Variants in SLC6A15 observed in about 807,000 individuals in gnomAD.
SLC6A15 encodes the protein solute carrier family 6 member 15.
A neutral mutation model predicts 68.5 loss-of-function variants in SLC6A15; 33 were observed. That is an observed-to-expected ratio of 0.48 (90% CI 0.37 to 0.64). SLC6A15 has a LOEUF of 0.64. SLC6A15 is among the 30% of genes least tolerant of loss of function. The pLI is 0.00. For missense variants in SLC6A15, 747 were observed against 874.3 expected, an observed-to-expected ratio of 0.85 and a Z score of 1.84; for synonymous variants, 347 against 301.0, an observed-to-expected ratio of 1.15 and a Z score of -1.58.
intron 9 of SLC6A15, among the ~76,000 whole-genome samples, chr12:84,869,060 ACACATG>A (rs1007626348): frequency 5.3e-5 from 8 of 152,194 alleles, no homozygotes; most frequent in African/African-American, 1.4e-4. Context: ...ATACACGCAC[ACACATG>A]CACATGCACA....
chr12:84,908,821 T>C (rs1873302295), intron 1 of SLC6A15, among the ~76,000 whole-genome samples: 1 of 152,018 alleles, frequency 6.6e-6, no homozygotes, highest in Non-Finnish European at 1.5e-5. Flanking sequence ...TTTACACAAC[T>C]ATTACTATGT....
At chr12:84,885,872 T>C in intron 3 of SLC6A15, 39 bp downstream of exon 3, 1 of 1,548,898 alleles carries the variant, frequency 6.5e-7, no homozygotes, top group East Asian at 2.3e-5. Flanking sequence ...TTTGAAACCC[T>C]ATAAAGATTA....
chr12:84,865,268 TAAC>T (rs1401604840), intron 10 of SLC6A15, among the ~76,000 whole-genome samples: 1 of 152,186 alleles, frequency 6.6e-6, no homozygotes, highest in Non-Finnish European at 1.5e-5. Context: ...TCATGTTAGT[TAAC>T]AAGGAGTATT....
chr12:84,899,323 A>G, intron 1 of SLC6A15, among the ~76,000 whole-genome samples: 1 of 151,610 alleles, frequency 6.6e-6, no homozygotes, highest in East Asian at 1.9e-4. Context: ...CGTAGAAAGG[A>G]AAAAAAAATA....
intron 2 of SLC6A15, among the ~76,000 whole-genome samples, chr12:84,889,950 C>G (rs1413096213): frequency 6.6e-6 from 1 of 152,110 alleles, no homozygotes; most frequent in African/African-American, 2.4e-5. Context: ...GACTCTATTA[C>G]CTTTTTTTTC....
At chr12:84,888,280 A>G (rs1872216800) in intron 2 of SLC6A15, among the ~76,000 whole-genome samples, 2 of 149,286 alleles carry the variant, frequency 1.3e-5, no homozygotes. Context: ...AAAAAAAGCC[A>G]AAAACAAAAA....
intron 1 of SLC6A15, among the ~76,000 whole-genome samples, chr12:84,901,057 T>C (rs1430867711): frequency 2.0e-5 from 3 of 150,060 alleles, no homozygotes; most frequent in Non-Finnish European, 4.5e-5. Context: ...CGTATATATG[T>C]ATACGTATAT....
chr12:84,894,906 TAAC>T (rs1289085564), intron 1 of SLC6A15, among the ~76,000 whole-genome samples: 2 of 152,232 alleles, frequency 1.3e-5, no homozygotes, highest in Middle Eastern at 3.4e-3. Context: ...AGATATCGTA[TAAC>T]AACTCTAGCC....
At chr12:84,873,811 C>G (rs1420010874) in intron 6 of SLC6A15, among the ~76,000 whole-genome samples, 1 of 152,160 alleles carries the variant, frequency 6.6e-6, no homozygotes, top group Non-Finnish European at 1.5e-5. Context: ...ACTATTTGTA[C>G]TTTGCATATT....
chr12:84,880,738 C>G (rs1032395900), intron 5 of SLC6A15: 2 of 229,354 alleles, frequency 8.7e-6, no homozygotes, highest in South Asian at 1.6e-4. Flanking sequence ...AACTATTATG[C>G]CTGTCAAAGC....
intron 2 of SLC6A15, among the ~76,000 whole-genome samples, chr12:84,890,879 T>C (rs912088749): frequency 5.3e-5 from 8 of 152,212 alleles, no homozygotes; most frequent in Non-Finnish European, 1.0e-4. Context: ...TTATATACTT[T>C]GTGTCCTGAA....
At chr12:84,890,609 G>T (rs1872343572) in intron 2 of SLC6A15, among the ~76,000 whole-genome samples, 1 of 152,188 alleles carries the variant, frequency 6.6e-6, no homozygotes, top group Admixed American at 6.5e-5. Flanking sequence ...CTCTAAGGCA[G>T]ATTTGCCAAA....
At chr12:84,868,047 T>C (rs73375391) in intron 9 of SLC6A15, among the ~76,000 whole-genome samples, 3,252 of 152,156 alleles carry the variant, frequency 0.021, 102 homozygotes, top group African/African-American at 0.074. Context: ...TGAGTAAACT[T>C]GAAAGAAGTA....
chr12:84,873,220 T>C lies in SLC6A15; in HGVS notation c.976A>G (p.Arg326Gly). Residue 326 changes from arginine (R) to glycine (G), a missense_variant, in exon 7 of 12, where the codon AGA becomes GGA. Transcript: ENST00000266682. ...GCATCAAAGTGGCAGTTGTTGTCTC[T>C]CTTGTTGTAGCTTGAAAAGGCAATG... ...GVIAFSSYNK[R>G]DNNCHFDAVL... 1 of 1,614,092 alleles carries C rather than the reference T, an allele frequency of 6.2e-7. No individual in the cohort carries two copies. Among genetic ancestry groups the C allele is most frequent in the Non-Finnish European group, 8.5e-7 (1 of 1,179,990 alleles).
chr12:84,894,927 A>G (rs1217095953), intron 1 of SLC6A15, among the ~76,000 whole-genome samples: 1 of 152,160 alleles, frequency 6.6e-6, no homozygotes, highest in African/African-American at 2.4e-5. Flanking sequence ...GCCAAACTTT[A>G]TAAAATAAAA....
At chr12:84,873,640 T>C (rs1008365945) in intron 6 of SLC6A15, among the ~76,000 whole-genome samples, 28 of 152,160 alleles carry the variant, frequency 1.8e-4, no homozygotes, top group Non-Finnish European at 3.5e-4. Context: ...AAATTAATTA[T>C]CCTCAATCAT....
intron 2 of SLC6A15, among the ~76,000 whole-genome samples, chr12:84,890,651 G>A (rs890596082): frequency 7.2e-5 from 11 of 152,092 alleles, no homozygotes; most frequent in African/African-American, 2.4e-4. Flanking sequence ...TTTGTTTTGT[G>A]CCTGTTTGAA....
intron 1 of SLC6A15, among the ~76,000 whole-genome samples, chr12:84,908,353 T>C (rs902446891): frequency 6.6e-6 from 1 of 151,922 alleles, no homozygotes; most frequent in African/African-American, 2.4e-5. Context: ...TTCTCCAATA[T>C]AATTTTATTT....
intron 1 of SLC6A15, among the ~76,000 whole-genome samples, chr12:84,895,339 ATTTT>A (rs67339994): frequency 1.3e-4 from 7 of 54,770 alleles, no homozygotes; most frequent in African/African-American, 3.4e-4. Flanking sequence ...TTTTGTTTGT[ATTTT>A]TTTTTTTTTT....
Sources: allele counts gnomAD v4.1 joint callset (sites outside exome capture counted in the v4.1 genomes callset), GRCh38; gene constraint gnomAD v4.1.1; transcripts MANE v1.5; gene names NCBI Gene and HGNC (gene_info 2026-07-23, HGNC 2026-07-21).